The following SLC22A16 variants were observed in gnomAD, a reference collection of about 807,000 sequenced individuals.
SLC22A16 encodes WUGSC:RG331P03.1.
SLC22A16 carries 53 observed loss-of-function variants against 52.9 expected under a neutral mutation model. The ratio of observed to expected loss-of-function variants is 1.00; its 90% CI spans 0.80 to 1.26. The LOEUF (loss-of-function observed/expected upper bound fraction) is 1.26. Among genes scored for constraint, SLC22A16 ranks in the 50% most tolerant of loss-of-function variants. SLC22A16 has a pLI of 0.00. For synonymous variants in SLC22A16, 291 were observed against 268.8 expected (o/e 1.08, Z -0.81); for missense variants, 726 against 704.0 (o/e 1.03, Z -0.35).
At chr6:110,440,941 C>T (rs58634359) in intron 4 of SLC22A16, among the ~76,000 whole-genome samples, 2,039 of 152,264 alleles carry the variant, frequency 0.013, 36 homozygotes, top group African/African-American at 0.047. Context: ...AAAAGAGCTC[C>T]CACTAGAGCA....
rs967937216 is a variant in SLC22A16 at position 110,424,778 on chromosome 6, A to G, written c.*95T>C. On this transcript the variant is annotated 3_prime_UTR_variant, in exon 8 of 8. Coordinates refer to ENST00000368919, the MANE Select transcript of SLC22A16 (RefSeq NM_033125.4). ...CTTACAAAATTTATTAAAAAGACAT[A>G]CAAACAACATATGGGAGATGAGAAT... 108 of 1,360,816 alleles carry G rather than the reference A, an allele frequency of 7.9e-5. No individual in the cohort carries two copies. The highest frequency in any genetic ancestry group is 9.4e-5 in the Non-Finnish European group (94 of 995,820). 84.3% of individuals were successfully genotyped at this position (1,360,816 alleles called of 1,614,324 possible). A position where few individuals can be genotyped will look rare whatever the true frequency, so the allele number is the denominator to read the frequency against.
intron 2 of SLC22A16, chr6:110,453,709 A>AG (rs758990134): frequency 8.8e-6 from 4 of 456,200 alleles, no homozygotes; most frequent in South Asian, 6.2e-5. Context: ...TGTGGCAGAG[A>AG]GGGGACATTA....
chr6:110,427,270 A>AAAAAAAAAG (rs1554222379), intron 7 of SLC22A16, among the ~76,000 whole-genome samples: 1 of 139,344 alleles, frequency 7.2e-6, no homozygotes, highest in African/African-American at 2.7e-5. Context: ...AAAAAGAAAA[A>AAAAAAAAAG]AAAGAAAGAA....
chr6:110,429,471 C>G (rs1774409628), intron 7 of SLC22A16, among the ~76,000 whole-genome samples: 1 of 152,336 alleles, frequency 6.6e-6, no homozygotes, highest in African/African-American at 2.4e-5. Context: ...ACGTTAGTGT[C>G]TTTTAGAAAA....
At chr6:110,458,425 G>A (rs1218127836) in intron 1 of SLC22A16, among the ~76,000 whole-genome samples, 1 of 152,142 alleles carries the variant, frequency 6.6e-6, no homozygotes. Context: ...CTCCACACAT[G>A]GGGAGAAAAA....
chr6:110,461,750 A>G (rs1478328602), intron 1 of SLC22A16, among the ~76,000 whole-genome samples: 1 of 151,926 alleles, frequency 6.6e-6, no homozygotes, highest in African/African-American at 2.4e-5. Flanking sequence ...TGGCCCCCTG[A>G]AAGCACCCAG....
chr6:110,429,786 G>T (rs868480808), intron 7 of SLC22A16, among the ~76,000 whole-genome samples: 1 of 152,126 alleles, frequency 6.6e-6, no homozygotes, highest in East Asian at 1.9e-4. Flanking sequence ...GAGAGGCGGG[G>T]TCACTAGATC....
At chr6:110,453,542 G>A (rs1487006239) in intron 2 of SLC22A16, 1 of 447,110 alleles carries the variant, frequency 2.2e-6, no homozygotes. Flanking sequence ...TTAGCAAGCA[G>A]TAGGGCAGCA....
At chr6:110,450,015 G>T (rs112245435) in intron 2 of SLC22A16, among the ~76,000 whole-genome samples, 8,114 of 152,186 alleles carry the variant, frequency 0.053, 245 homozygotes, top group South Asian at 0.088. Context: ...TCCCTTGGGG[G>T]CCTTCTCCAT....
At chr6:110,447,732 A>T (rs1775230522) in intron 2 of SLC22A16, among the ~76,000 whole-genome samples, 1 of 152,140 alleles carries the variant, frequency 6.6e-6, no homozygotes, top group African/African-American at 2.4e-5. Context: ...CCTGTTCTGG[A>T]CATTTCCCAT....
At chr6:110,446,816 T>C in intron 3 of SLC22A16, 57 bp downstream of exon 3, 1 of 1,473,366 alleles carries the variant, frequency 6.8e-7, no homozygotes, top group East Asian at 2.3e-5. Flanking sequence ...ATGATGAGAG[T>C]TAAGGTTTCC....
Position 110,432,131 on chromosome 6 carries a change from C to T in SLC22A16, c.1422-861G>A, listed in dbSNP as rs1017872222. Among the ~76,000 whole-genome samples the T allele has an allele frequency of 5.3e-5, 8 of 152,162 alleles. No homozygotes were observed. In the South Asian group the frequency reaches 6.2e-4, roughly 12 times the overall value. On this transcript the variant is annotated intron_variant, in intron 6 of 7. Coordinates refer to ENST00000368919, the MANE Select transcript of SLC22A16 (RefSeq NM_033125.4). ...GTGAGTAAGTACCTCTATAAATTAA[C>T]GGTGCCTCATCTTTTCCAGTCACAC...
rs1774836745 is a variant in SLC22A16 at position 110,438,704 on chromosome 6, A to G, written c.1311+16T>C. The G allele has an allele frequency of 6.2e-6, 10 of 1,606,792 alleles. No homozygotes were observed. The highest frequency in any genetic ancestry group is 1.3e-5 in the African/African-American group (1 of 74,534). The stretch of plus-strand genomic sequence containing the variant: ...TCACAGTATAACTGTCTTATAAAAA[A>G]CAGAAGATAACTCACCTGGGGGATC... On this transcript the variant is annotated intron_variant, in intron 5 of 7. Coordinates refer to ENST00000368919, the MANE Select transcript of SLC22A16 (RefSeq NM_033125.4).
At chr6:110,455,435 C>G (rs1369497230) in intron 2 of SLC22A16, 1 of 152,008 alleles carries the variant, frequency 6.6e-6, no homozygotes, top group Non-Finnish European at 1.5e-5. Context: ...TTTCTTTTGA[C>G]ATGTTTATCA....
At chr6:110,445,790 G>A (rs1775148351) in intron 3 of SLC22A16, among the ~76,000 whole-genome samples, 1 of 152,080 alleles carries the variant, frequency 6.6e-6, no homozygotes, top group African/African-American at 2.4e-5. Flanking sequence ...CCCACCAGAA[G>A]GTTTCTCTCG....
At chr6:110,425,221 T>C (rs1356782485) in intron 7 of SLC22A16, 136 bp from the exon 8 acceptor site, 29 of 1,501,712 alleles carry the variant, frequency 1.9e-5, no homozygotes, top group Non-Finnish European at 2.5e-5. Flanking sequence ...GATTACTCGG[T>C]GAGATCTTTG....
intron 6 of SLC22A16, among the ~76,000 whole-genome samples, chr6:110,433,346 C>T (rs1774584199): frequency 6.6e-6 from 1 of 152,178 alleles, no homozygotes; most frequent in African/African-American, 2.4e-5. Context: ...TATCTACAGT[C>T]AACACAAATG....
intron 1 of SLC22A16, among the ~76,000 whole-genome samples, chr6:110,461,012 C>T (rs1405051451): frequency 6.6e-6 from 1 of 152,220 alleles, no homozygotes; most frequent in African/African-American, 2.4e-5. Context: ...GTTGCAGATG[C>T]AGCAGAGGCT....
chr6:110,455,722 C>G (rs543023381), intron 2 of SLC22A16: 105 of 152,244 alleles, frequency 6.9e-4, no homozygotes, highest in African/African-American at 2.2e-3. Context: ...AACTTAATCT[C>G]CAGTGCAACA....
Sources: allele counts gnomAD v4.1 joint callset (sites outside exome capture counted in the v4.1 genomes callset), GRCh38; gene constraint gnomAD v4.1.1; transcripts MANE v1.5; gene names NCBI Gene and HGNC (gene_info 2026-07-23, HGNC 2026-07-21).